The following TSPAN12 variants were observed in gnomAD, a reference collection of about 807,000 sequenced individuals.
TSPAN12 encodes the protein tetraspanin 12.
Under a neutral mutation model 39.2 loss-of-function variants are expected in TSPAN12, and 19 were observed. That is an observed-to-expected ratio of 0.49 (90% CI 0.34 to 0.71). The LOEUF (loss-of-function observed/expected upper bound fraction) is 0.71, where lower values mean the gene tolerates loss of function less well. Ranked by LOEUF, TSPAN12 falls within the 30% of genes least tolerant of loss-of-function variation. TSPAN12 has a pLI of 0.01. For missense variants in TSPAN12, 314 were observed against 359.9 expected, an observed-to-expected ratio of 0.87 and a Z score of 1.03; for synonymous variants, 119 against 124.8, an observed-to-expected ratio of 0.95 and a Z score of 0.31.
chr7:120,835,980 T>C (rs1264542691), intron 4 of TSPAN12, among the ~76,000 whole-genome samples: 1 of 152,120 alleles, frequency 6.6e-6, no homozygotes, highest in Non-Finnish European at 1.5e-5. Context: ...CAAGTCTCCA[T>C]TGTAGAAGGG....
intron 5 of TSPAN12, among the ~76,000 whole-genome samples, chr7:120,814,539 C>G (rs528089590): frequency 2.0e-5 from 3 of 152,158 alleles, no homozygotes; most frequent in Admixed American, 2.0e-4. Context: ...AAAGTCTGGC[C>G]TCCCTCCATG....
At chr7:120,818,734 G>A (rs902023114) in intron 4 of TSPAN12, among the ~76,000 whole-genome samples, 1 of 151,842 alleles carries the variant, frequency 6.6e-6, no homozygotes. Context: ...TTTGTTAAGG[G>A]GCTCTCATTT....
chr7:120,842,760 T>C (rs946606712), intron 2 of TSPAN12, among the ~76,000 whole-genome samples: 5 of 152,128 alleles, frequency 3.3e-5, no homozygotes, highest in Non-Finnish European at 7.3e-5. Flanking sequence ...GTTCTTGACC[T>C]GTAAATACAA....
intron 2 of TSPAN12, among the ~76,000 whole-genome samples, chr7:120,854,866 G>C (rs568136608): frequency 1.3e-5 from 2 of 152,212 alleles, no homozygotes; most frequent in Admixed American, 1.3e-4. Flanking sequence ...AGGAGGGCTG[G>C]AGAAATAGGG....
intron 4 of TSPAN12, among the ~76,000 whole-genome samples, chr7:120,821,459 A>G (rs1354541458): frequency 6.6e-6 from 1 of 151,882 alleles, no homozygotes; most frequent in Admixed American, 6.6e-5. Flanking sequence ...AAAATGGAAG[A>G]ACATAGGCTT....
At chr7:120,800,456 T>C (rs1287648935) in intron 7 of TSPAN12, among the ~76,000 whole-genome samples, 3 of 152,180 alleles carry the variant, frequency 2.0e-5, no homozygotes, top group Admixed American at 6.5e-5. Context: ...GATATCTAAC[T>C]GGCTTCTTCC....
At chr7:120,827,650 A>G (rs1261107782) in intron 4 of TSPAN12, among the ~76,000 whole-genome samples, 7 of 152,250 alleles carry the variant, frequency 4.6e-5, no homozygotes, top group Admixed American at 4.6e-4. Flanking sequence ...ATATTTGAAT[A>G]TAACGATGTT....
chr7:120,825,526 T>A (rs966956438), intron 4 of TSPAN12, among the ~76,000 whole-genome samples: 1 of 152,218 alleles, frequency 6.6e-6, no homozygotes. Context: ...AACAAAAAGT[T>A]TGATGAAAGG....
intron 4 of TSPAN12, among the ~76,000 whole-genome samples, chr7:120,834,323 G>C (rs1408868520): frequency 6.6e-6 from 1 of 152,066 alleles, no homozygotes; most frequent in African/African-American, 2.4e-5. Flanking sequence ...CCTTAAATTA[G>C]GGTGCTTTAA....
intron 2 of TSPAN12, among the ~76,000 whole-genome samples, chr7:120,843,510 G>T (rs559963686): frequency 6.8e-4 from 103 of 152,178 alleles, no homozygotes; most frequent in African/African-American, 2.5e-3. Context: ...TCACCCCAAG[G>T]CCAATTGTTC....
chr7:120,799,597 T>TAA (rs1793713798), intron 7 of TSPAN12, among the ~76,000 whole-genome samples: 2 of 118,526 alleles, frequency 1.7e-5, no homozygotes, highest in Non-Finnish European at 3.2e-5. Flanking sequence ...ATAATATAAT[T>TAA]ATATATAATT....
At chr7:120,806,467 T>C in intron 7 of TSPAN12, 82 bp downstream of exon 7, 1 of 1,529,216 alleles carries the variant, frequency 6.5e-7, no homozygotes, top group Non-Finnish European at 9.0e-7. Flanking sequence ...AGAAGGAAAA[T>C]TTCATTGGCA....
rs894535516 is a variant in TSPAN12 at position 120,857,967 on chromosome 7, C to G, written c.-218G>C. The stretch of plus-strand genomic sequence containing the variant: ...GACGCTTCTTTCTCTTCCTCTCCCC[C>G]CGCCGCCGCCGTCGCCGCCTCCTGG... On this transcript the variant is annotated 5_prime_UTR_variant, in exon 1 of 8. Coordinates refer to ENST00000222747, the MANE Select transcript of TSPAN12 (RefSeq NM_012338.4). The G allele has an allele frequency of 6.5e-6, 1 of 154,726 alleles. No homozygotes were observed. The highest frequency in any genetic ancestry group is 1.4e-5 in the Non-Finnish European group (1 of 69,878). The allele number at this position is 154,726 out of a possible 1,614,324, so 9.6% of individuals were successfully genotyped here. A position where few individuals can be genotyped will look rare whatever the true frequency, so the allele number is the denominator to read the frequency against.
chr7:120,798,455 C>T (rs1793675853), intron 7 of TSPAN12, among the ~76,000 whole-genome samples: 1 of 152,154 alleles, frequency 6.6e-6, no homozygotes, highest in Non-Finnish European at 1.5e-5. Context: ...TCTAAATAAC[C>T]ACTGAACCTG....
At chr7:120,811,081 A>C (rs1584932235) in intron 5 of TSPAN12, among the ~76,000 whole-genome samples, 1 of 152,316 alleles carries the variant, frequency 6.6e-6, no homozygotes, top group African/African-American at 2.4e-5. Flanking sequence ...CTTTTTCAAA[A>C]GTTGTAATTA....
rs183360185 is a variant in TSPAN12, at chr7:120,856,654, A to G, written c.66+44T>C. ...CATTATCCGGTGGCTGCAGAAAACC[A>G]GAGCCAGCCGTTCCCACCTGTTGGT... On this transcript the variant is annotated intron_variant, in intron 2 of 7. Coordinates refer to ENST00000222747, the MANE Select transcript of TSPAN12 (RefSeq NM_012338.4). 114 of 1,603,092 alleles carry G rather than the reference A, an allele frequency of 7.1e-5. No individual in the cohort carries two copies. The Admixed American group carries it at 1.9e-3, about 26-fold the overall frequency.
chr7:120,833,427 A>C (rs748653271), intron 4 of TSPAN12, among the ~76,000 whole-genome samples: 22 of 151,946 alleles, frequency 1.4e-4, no homozygotes, highest in Non-Finnish European at 1.0e-4. Context: ...AAAAAAAACA[A>C]GGGGAAATTT....
intron 4 of TSPAN12, among the ~76,000 whole-genome samples, chr7:120,833,985 G>A (rs1408890846): frequency 6.6e-6 from 1 of 152,026 alleles, no homozygotes; most frequent in African/African-American, 2.4e-5. Flanking sequence ...ACCGTGAAAG[G>A]CATGGCATAT....
intron 4 of TSPAN12, among the ~76,000 whole-genome samples, chr7:120,836,078 G>A (rs1794471049): frequency 6.6e-6 from 1 of 152,340 alleles, no homozygotes; most frequent in Admixed American, 6.5e-5. Flanking sequence ...AGGAAAGCCT[G>A]AACTTGGGCA....
Sources: gnomAD v4.1 joint callset for allele counts (sites outside exome capture counted in the v4.1 genomes callset) on GRCh38, gnomAD v4.1.1 for gene constraint, MANE v1.5 for transcripts, NCBI Gene and HGNC (gene_info 2026-07-23, HGNC 2026-07-21) for gene names.